Variants in RAB3C observed in about 807,000 individuals in gnomAD.
RAB3C encodes RAB3C, member RAS oncogene family, also known as ras-related protein Rab-3C.
RAB3C carries 17 observed loss-of-function variants against 26.4 expected under a neutral mutation model. The observed-to-expected ratio is 0.64, with a 90% CI of 0.44 to 0.97. RAB3C has a LOEUF of 0.97. Among genes scored for constraint, RAB3C ranks in the 50% least tolerant of loss-of-function variants. The probability of loss-of-function intolerance (pLI) is 0.00; values close to 1 mark genes in which losing one functional copy is unlikely to be tolerated. For missense variants in RAB3C, 242 were observed against 281.9 expected (o/e 0.86, Z 1.01); for synonymous variants, 91 against 95.9 (o/e 0.95, Z 0.30).
At chr5:58,734,471 G>A (rs1020381875) in intron 3 of RAB3C, among the ~76,000 whole-genome samples, 6 of 152,212 alleles carry the variant, frequency 3.9e-5, no homozygotes, top group South Asian at 2.1e-4. Flanking sequence ...ACACTGGACC[G>A]CGGGGAGTCT....
chr5:58,851,881 G>C lies in RAB3C; in HGVS notation c.*530G>C, dbSNP rs1483358263. 6.6e-6 allele frequency: 1 copy of C among 152,148 alleles called. No individual in the cohort carries two copies. The highest frequency in any genetic ancestry group is 1.5e-5 in the Non-Finnish European group (1 of 68,056). 9.4% of individuals were successfully genotyped at this position (152,148 alleles called of 1,614,324 possible). Reference sequence around the variant, plus strand: ...GATTAGGGACGCTGTCACGAGTCTGGTCAGTTTACTGTTGGGAACTGTGTC... The same window carrying C: ...GATTAGGGACGCTGTCACGAGTCTGCTCAGTTTACTGTTGGGAACTGTGTC... On this transcript the variant is annotated 3_prime_UTR_variant, in exon 5 of 5. Coordinates refer to ENST00000282878, the MANE Select transcript of RAB3C (RefSeq NM_138453.4).
At chr5:58,777,599 T>C (rs537366086) in intron 3 of RAB3C, among the ~76,000 whole-genome samples, 2 of 152,054 alleles carry the variant, frequency 1.3e-5, no homozygotes, top group East Asian at 1.9e-4. Context: ...ACCATGTTTT[T>C]TTTTTTTTTT....
chr5:58,783,811 T>C (rs992165226), intron 3 of RAB3C, among the ~76,000 whole-genome samples: 3 of 152,194 alleles, frequency 2.0e-5, no homozygotes, highest in Non-Finnish European at 4.4e-5. Flanking sequence ...TTTTTAAGAT[T>C]TCCTAAGCAA....
At chr5:58,795,527 T>G (rs1742624896) in intron 3 of RAB3C, among the ~76,000 whole-genome samples, 1 of 152,184 alleles carries the variant, frequency 6.6e-6, no homozygotes, top group South Asian at 2.1e-4. Context: ...TAACTATAGT[T>G]GTGTAACTTA....
chr5:58,753,969 G>A (rs1741591067), intron 3 of RAB3C, among the ~76,000 whole-genome samples: 1 of 152,140 alleles, frequency 6.6e-6, no homozygotes, highest in Non-Finnish European at 1.5e-5. Context: ...ATAATTGCTT[G>A]CCAACATTAG....
At position 58,761,244 on chromosome 5, in the gene RAB3C, T is replaced by C. The variant is rs112631267; in HGVS notation, c.371+35124T>C. Among the ~76,000 whole-genome samples the C allele has an allele frequency of 1.1e-4, 17 of 152,320 alleles. 1 individual carries two copies. The highest frequency in any genetic ancestry group is 3.6e-4 in the African/African-American group (15 of 41,584). On this transcript the variant is annotated intron_variant, in intron 3 of 4. Coordinates refer to ENST00000282878, the MANE Select transcript of RAB3C (RefSeq NM_138453.4). ...TTTACAATTAAATCAGAAAAAACAA[T>C]GGAATTATTTATTTTAGTAAAATAT...
In RAB3C at chr5:58,722,333, G is replaced by A. The variant is rs370158351; in HGVS notation, c.253-3669G>A. On this transcript the variant is annotated intron_variant, in intron 2 of 4. Transcript: ENST00000282878. ...TTTGTTTTCCCCTACTGAGAAATTA[G>A]GGGGAAGCTGTCTATTGTAGTGCAG... Among the ~76,000 whole-genome samples the A allele has an allele frequency of 2.5e-4, 38 of 151,700 alleles. 1 individual carries two copies. The South Asian group carries it at 7.5e-3, about 30-fold the overall frequency.
At chr5:58,618,991 C>G (rs1165322791) in intron 2 of RAB3C, among the ~76,000 whole-genome samples, 1 of 152,022 alleles carries the variant, frequency 6.6e-6, no homozygotes, top group Non-Finnish European at 1.5e-5. Flanking sequence ...AGGATTTTAA[C>G]TTTTTTAAAA....
intron 2 of RAB3C, among the ~76,000 whole-genome samples, chr5:58,650,328 A>G (rs562097795): frequency 3.9e-5 from 6 of 152,284 alleles, no homozygotes; most frequent in Admixed American, 3.9e-4. Flanking sequence ...GAGTCTATGA[A>G]GAAGGAGAGG....
chr5:58,679,405 T>A (rs544851901), intron 2 of RAB3C, among the ~76,000 whole-genome samples: 7 of 152,336 alleles, frequency 4.6e-5, no homozygotes, highest in Non-Finnish European at 7.3e-5. Context: ...GAAAGGAGAA[T>A]CTTTGCTTTC....
At chr5:58,678,567 A>G (rs1337519340) in intron 2 of RAB3C, among the ~76,000 whole-genome samples, 1 of 152,222 alleles carries the variant, frequency 6.6e-6, no homozygotes, top group East Asian at 1.9e-4. Flanking sequence ...ATATTTTAAC[A>G]TAGTCTTCCC....
intron 2 of RAB3C, among the ~76,000 whole-genome samples, chr5:58,656,085 C>T (rs973851136): frequency 2.6e-5 from 4 of 152,070 alleles, no homozygotes; most frequent in Non-Finnish European, 5.9e-5. Flanking sequence ...GCGCCCGGCC[C>T]TAAACCTAAC....
At chr5:58,690,825 C>A (rs1230822191) in intron 2 of RAB3C, among the ~76,000 whole-genome samples, 1 of 152,000 alleles carries the variant, frequency 6.6e-6, no homozygotes, top group African/African-American at 2.4e-5. Flanking sequence ...AGGTGGAGAT[C>A]ATTAATATTT....
At chr5:58,808,840 G>A (rs752585356) in intron 3 of RAB3C, among the ~76,000 whole-genome samples, 12 of 152,116 alleles carry the variant, frequency 7.9e-5, no homozygotes, top group Non-Finnish European at 1.6e-4. Context: ...GTTTCTTACA[G>A]CTTTTAATAT....
intron 2 of RAB3C, among the ~76,000 whole-genome samples, chr5:58,678,898 A>G (rs1266106392): frequency 1.3e-5 from 2 of 151,960 alleles, no homozygotes; most frequent in Non-Finnish European, 2.9e-5. Flanking sequence ...GAAAAACCCT[A>G]TTTCACCAGG....
intron 3 of RAB3C, among the ~76,000 whole-genome samples, chr5:58,783,205 A>G (rs1370628711): frequency 2.0e-5 from 3 of 152,134 alleles, no homozygotes; most frequent in African/African-American, 7.2e-5. Context: ...ATGCTCCCCA[A>G]TCATAAAGAA....
Position 58,655,457 on chromosome 5 carries a change from C to T in RAB3C, c.252+37587C>T, listed in dbSNP as rs900972480. On this transcript the variant is annotated intron_variant, in intron 2 of 4. Coordinates refer to ENST00000282878, the MANE Select transcript of RAB3C (RefSeq NM_138453.4). ...AAAACCGGAATCGCTCTTTGATTGT[C>T]GTGTAATTGTTGGGAGGCAAAGGCT... Among the ~76,000 whole-genome samples, 4 of 152,096 alleles carry T rather than the reference C, an allele frequency of 2.6e-5. No homozygotes were observed. In the South Asian group the frequency reaches 8.3e-4, roughly 32 times the overall value.
At chr5:58,778,071 T>C (rs1561127222) in intron 3 of RAB3C, among the ~76,000 whole-genome samples, 1 of 152,138 alleles carries the variant, frequency 6.6e-6, no homozygotes, top group African/African-American at 2.4e-5. Context: ...ATCACTATAA[T>C]GGAAATTAGA....
rs550871560 is a variant in RAB3C at position 58,773,993 on chromosome 5, G to A, written c.371+47873G>A. Among the ~76,000 whole-genome samples, 9 of 152,174 alleles carry A rather than the reference G, an allele frequency of 5.9e-5. No individual in the cohort carries two copies. In the East Asian group the frequency reaches 1.7e-3, roughly 30 times the overall value. Reference sequence around the variant, plus strand: ...CTACCTTCCATTAACAGTGCCCAGAGCAGCTGTTCCAAACTCTACACTCTT... The same window carrying A: ...CTACCTTCCATTAACAGTGCCCAGAACAGCTGTTCCAAACTCTACACTCTT... On this transcript the variant is annotated intron_variant, in intron 3 of 4. Transcript: ENST00000282878.
Sources: allele counts gnomAD v4.1 joint callset (sites outside exome capture counted in the v4.1 genomes callset), GRCh38; gene constraint gnomAD v4.1.1; transcripts MANE v1.5; gene names NCBI Gene and HGNC (gene_info 2026-07-23, HGNC 2026-07-21).